The following OR2J3 variants were observed in gnomAD, a reference collection of about 807,000 sequenced individuals.
OR2J3 encodes the protein olfactory receptor 2J3.
OR2J3 carries 13 observed loss-of-function variants against 18.5 expected under a neutral mutation model. The ratio of observed to expected loss-of-function variants is 0.70; its 90% confidence interval spans 0.46 to 1.12. OR2J3 has a LOEUF of 1.12. Among genes scored for constraint, OR2J3 ranks in the 50% most tolerant of loss-of-function variants. The pLI is 0.00. For synonymous variants in OR2J3, 142 were observed against 140.6 expected (o/e 1.01, Z -0.07); for missense variants, 321 against 371.6 (o/e 0.86, Z 1.12).
In OR2J3 at chr6:29,112,012, C is replaced by T. The variant is rs1245431456; in HGVS notation, c.122C>T (p.Thr41Ile). 9.3e-6 allele frequency: 15 copies of T among 1,613,932 alleles called. No individual in the cohort carries two copies. Among genetic ancestry groups the T allele is most frequent in the Non-Finnish European group, 1.2e-5 (14 of 1,180,020 alleles). ...FVVVLIFYLM[T>I]LIGNLFIIIL... ...GTTGTCTTGATCTTCTACTTGATGACACTGATAGGAAACCTGTTCATCATC... is the reference window on the plus strand; with the variant it reads ...GTTGTCTTGATCTTCTACTTGATGATACTGATAGGAAACCTGTTCATCATC... Residue 41 changes from threonine to isoleucine, a missense_variant, in exon 4 of 4, where the codon ACA becomes ATA. Physicochemically the swap from Thr to Ile is moderately conservative, Grantham distance 89. Coordinates refer to ENST00000641151, the MANE Select transcript of OR2J3 (RefSeq NM_001005216.4).
In OR2J3 at chr6:29,112,666, T is replaced by A. The variant is rs976196786; in HGVS notation, c.776T>A (p.Met259Lys). The A allele has an allele frequency of 6.2e-7, 1 of 1,613,972 alleles. No individual in the cohort carries two copies. The highest frequency in any genetic ancestry group is 1.7e-5 in the Admixed American group (1 of 59,976). Residue 259 changes from methionine (M) to lysine (K), a missense_variant, in exon 4 of 4, where the codon ATG (methionine) becomes AAG (lysine). By Grantham distance (95) the Met-to-Lys change is moderately conservative. Coordinates refer to ENST00000641151, the MANE Select transcript of OR2J3 (RefSeq NM_001005216.4). The stretch of plus-strand genomic sequence containing the variant: ...GTATCTCTCTTTTTCATTCCGGCCA[T>A]GTGCATGTATCTCCAGCCACCATCA... ...MAVSLFFIPA[M>K]CMYLQPPSGN...
rs1762209755 is a variant in OR2J3, at chr6:29,113,046, A to G, written c.*220A>G. Reference sequence around the variant, plus strand: ...GAGAAAACAGCTATGTAAAATCAAGATAAAACATCTATAGTGATGTTTTTC... The same window carrying G: ...GAGAAAACAGCTATGTAAAATCAAGGTAAAACATCTATAGTGATGTTTTTC... On this transcript the variant is annotated 3_prime_UTR_variant, in exon 4 of 4. Coordinates refer to ENST00000641151, the MANE Select transcript of OR2J3 (RefSeq NM_001005216.4). 1 of 556,858 alleles carries G rather than the reference A, an allele frequency of 1.8e-6. No individual in the cohort carries two copies. Among genetic ancestry groups the G allele is most frequent in the Non-Finnish European group, 3.1e-6 (1 of 320,248 alleles). The allele number at this position is 556,858 out of a possible 1,614,324, so 34.5% of individuals were successfully genotyped here.
intron 2 of OR2J3, 30 bp downstream of exon 2, chr6:29,108,684 A>G (rs2150949830): frequency 6.6e-6 from 1 of 152,258 alleles, no homozygotes; most frequent in East Asian, 1.9e-4. Context: ...ACAATGTGTA[A>G]TAATCACAGC....
Position 29,112,923 on chromosome 6 carries a change from CT to C in OR2J3, c.*98del, listed in dbSNP as rs1762205618. 1.0e-5 allele frequency: 14 copies of C among 1,395,676 alleles called. No individual in the cohort carries two copies. The highest frequency in any genetic ancestry group is 1.3e-5 in the Non-Finnish European group (14 of 1,052,678). The allele number at this position is 1,395,676 out of a possible 1,614,324, so 86.5% of individuals were successfully genotyped here. On this transcript the variant is annotated 3_prime_UTR_variant, in exon 4 of 4. Coordinates refer to ENST00000641151, the MANE Select transcript of OR2J3 (RefSeq NM_001005216.4). ...TCAACCATTCTTTTATTCACTCACT[CT>C]GTTAGCACTTGCTGAGCATGTACTC...
chr6:29,109,133 T>A (rs1762032675), intron 3 of OR2J3, among the ~76,000 whole-genome samples: 1 of 152,226 alleles, frequency 6.6e-6, no homozygotes, highest in Non-Finnish European at 1.5e-5. Context: ...AAAAATCTCT[T>A]GGAAAATTTT....
intron 3 of OR2J3, among the ~76,000 whole-genome samples, chr6:29,109,915 A>G (rs1762062892): frequency 6.6e-6 from 1 of 152,222 alleles, no homozygotes; most frequent in African/African-American, 2.4e-5. Context: ...ATTATAGCTC[A>G]TGCTCAGAAT....
In OR2J3 at chr6:29,113,071, C is replaced by T; in HGVS notation, c.*245C>T. 4.0e-6 allele frequency: 2 copies of T among 502,960 alleles called. No individual in the cohort carries two copies. Among genetic ancestry groups the T allele is most frequent in the Non-Finnish European group, 6.9e-6 (2 of 287,784 alleles). The allele number at this position is 502,960 out of a possible 1,614,324, so 31.2% of individuals were successfully genotyped here. A position where few individuals can be genotyped will look rare whatever the true frequency, so the allele number is the denominator to read the frequency against. ...ATAAAACATCTATAGTGATGTTTTT[C>T]CATGGTACAAACCTAATGTATCCAA... is the stretch of plus-strand genomic sequence containing the variant. On this transcript the variant is annotated 3_prime_UTR_variant, in exon 4 of 4. Coordinates refer to ENST00000641151, the MANE Select transcript of OR2J3 (RefSeq NM_001005216.4).
In OR2J3 at chr6:29,112,781, C is replaced by T. The variant is rs143022564; in HGVS notation, c.891C>T (p.Asn297=). Residue 297 remains asparagine, a synonymous_variant, in exon 4 of 4, where the codon AAC becomes AAT. Transcript: ENST00000641151. Reference sequence around the variant, plus strand: ...ACCCTCTAATCTACACCCTCAGAAACAAAGTTGTAAGAGGGGCAGTGAAGA... The same window carrying T: ...ACCCTCTAATCTACACCCTCAGAAATAAAGTTGTAAGAGGGGCAGTGAAGA... The part of the protein sequence containing the change: ...SLNPLIYTLR[N]KVVRGAVKRL... 584 of 1,613,502 alleles carry T rather than the reference C, an allele frequency of 3.6e-4. 6 individuals are homozygous for T. The African/African-American group carries it at 7.3e-3, about 20-fold the overall frequency.
chr6:29,112,766 C>G lies in OR2J3; in HGVS notation c.876C>G (p.Ile292Met), dbSNP rs1403355229. The G allele has an allele frequency of 1.9e-6, 3 of 1,613,882 alleles. No individual in the cohort carries two copies. Among genetic ancestry groups the G allele is most frequent in the Non-Finnish European group, 2.5e-6 (3 of 1,179,916 alleles). ...TCACACCTAGTCTTAACCCTCTAAT[C>G]TACACCCTCAGAAACAAAGTTGTAA... is the stretch of plus-strand genomic sequence containing the variant. The part of the protein sequence containing the change: ...TVVTPSLNPL[I>M]YTLRNKVVRG... Residue 292 changes from isoleucine (I) to methionine (M), a missense_variant, in exon 4 of 4, where the codon ATC becomes ATG. Ile to Met is a conservative substitution (Grantham distance 10). Coordinates refer to ENST00000641151, the MANE Select transcript of OR2J3 (RefSeq NM_001005216.4).
In OR2J3 at chr6:29,112,874, A is replaced by G. The variant is rs760871429; in HGVS notation, c.*48A>G. 6 of 1,538,026 alleles carry G rather than the reference A, an allele frequency of 3.9e-6. No homozygotes were observed. Among genetic ancestry groups the G allele is most frequent in the African/African-American group, 1.4e-5 (1 of 72,548 alleles). ...CAATATAACAGAGTCTCCCCTCACA[A>G]TGATTCATCCTTCTATTTATTTATC... On this transcript the variant is annotated 3_prime_UTR_variant, in exon 4 of 4. Coordinates refer to ENST00000641151, the MANE Select transcript of OR2J3 (RefSeq NM_001005216.4).
chr6:29,109,942 T>C (rs543261677), intron 3 of OR2J3, among the ~76,000 whole-genome samples: 155 of 152,280 alleles, frequency 1.0e-3, no homozygotes, highest in Admixed American at 2.9e-3. Flanking sequence ...ACTATCTAAA[T>C]TATTGTCCTG....
rs904721285 is a variant in OR2J3 at position 29,114,192 on chromosome 6, C to A, written c.*1366C>A. 7.2e-5 allele frequency: 11 copies of A among 152,078 alleles called. No homozygotes were observed. Among genetic ancestry groups the A allele is most frequent in the African/African-American group, 2.7e-4 (11 of 41,412 alleles). The allele number at this position is 152,078 out of a possible 1,614,324, so 9.4% of individuals were successfully genotyped here. A position where few individuals can be genotyped will look rare whatever the true frequency, so the allele number is the denominator to read the frequency against. On this transcript the variant is annotated 3_prime_UTR_variant, in exon 4 of 4. Coordinates refer to ENST00000641151, the MANE Select transcript of OR2J3 (RefSeq NM_001005216.4). ...TGCATCTCTGACTCTTCCTTTATTT[C>A]TAACTAGGCATGAAAAATATGAGGC...
chr6:29,113,662 G>C lies in OR2J3; in HGVS notation c.*836G>C. The C allele has an allele frequency of 6.6e-6, 1 of 152,098 alleles. No individual in the cohort carries two copies. The highest frequency in any genetic ancestry group is 1.5e-5 in the Non-Finnish European group (1 of 68,022). 9.4% of individuals were successfully genotyped at this position (152,098 alleles called of 1,614,324 possible). Reference sequence around the variant, plus strand: ...TGAAAATGACTTGAAGCCAATGGGTGTATGAAAGAATTATGTGAAAATATA... The same window carrying C: ...TGAAAATGACTTGAAGCCAATGGGTCTATGAAAGAATTATGTGAAAATATA... On this transcript the variant is annotated 3_prime_UTR_variant, in exon 4 of 4. Coordinates refer to ENST00000641151, the MANE Select transcript of OR2J3 (RefSeq NM_001005216.4).
chr6:29,112,572 A>C lies in OR2J3; in HGVS notation c.682A>C (p.Ile228Leu). Reference sequence around the variant, plus strand: ...TTCTTATGGTGCCATCGTCCGAGCTATACTGAGGATGCAGTCAACCACTGG... The same window carrying C: ...TTCTTATGGTGCCATCGTCCGAGCTCTACTGAGGATGCAGTCAACCACTGG... ...LTSYGAIVRA[I>L]LRMQSTTGLQ... The change falls in exon 4 of 4, where the codon ATA becomes CTA. Residue 228 changes from isoleucine (I) to leucine (L), a missense_variant. Physicochemically the swap from Ile to Leu is conservative, Grantham distance 5. Transcript: ENST00000641151. 6.2e-7 allele frequency: 1 copy of C among 1,613,828 alleles called. No individual in the cohort carries two copies. Among genetic ancestry groups the C allele is most frequent in the Non-Finnish European group, 8.5e-7 (1 of 1,179,972 alleles).
rs1192163519 is a variant in OR2J3, at chr6:29,112,547, T to A, written c.657T>A (p.Thr219=). The change falls in exon 4 of 4, where the codon ACT becomes ACA. Residue 219 remains threonine (T), a synonymous_variant. Coordinates refer to ENST00000641151, the MANE Select transcript of OR2J3 (RefSeq NM_001005216.4). ...TCATACCTCTCATCCTCATTCTCAC[T>A]TCTTATGGTGCCATCGTCCGAGCTA... ...FVLIPLILIL[T]SYGAIVRAIL... 6.2e-7 allele frequency: 1 copy of A among 1,614,130 alleles called. No individual in the cohort carries two copies. Among genetic ancestry groups the A allele is most frequent in the African/African-American group, 1.3e-5 (1 of 75,032 alleles).
rs1332571550 is a variant in OR2J3, at chr6:29,114,274, A to G, written c.*1448A>G. On this transcript the variant is annotated 3_prime_UTR_variant, in exon 4 of 4. Coordinates refer to ENST00000641151, the MANE Select transcript of OR2J3 (RefSeq NM_001005216.4). Reference sequence around the variant, plus strand: ...GTGAAGAACCAAGAATAATGTATGTAAAATGACTTTTAGCAAGAATTGGGA... The same window carrying G: ...GTGAAGAACCAAGAATAATGTATGTGAAATGACTTTTAGCAAGAATTGGGA... The G allele has an allele frequency of 6.6e-6, 1 of 152,162 alleles. No homozygotes were observed. Among genetic ancestry groups the G allele is most frequent in the Non-Finnish European group, 1.5e-5 (1 of 68,020 alleles). 9.4% of individuals were successfully genotyped at this position (152,162 alleles called of 1,614,324 possible). A position where few individuals can be genotyped will look rare whatever the true frequency, so the allele number is the denominator to read the frequency against.
rs1476482813 is a variant in OR2J3, at chr6:29,111,961, C to T, written c.71C>T (p.Pro24Leu). 1 of 1,613,896 alleles carries T rather than the reference C, an allele frequency of 6.2e-7. No homozygotes were observed. Among genetic ancestry groups the T allele is most frequent in the Non-Finnish European group, 8.5e-7 (1 of 1,179,964 alleles). The change falls in exon 4 of 4, where the codon CCT (proline) becomes CTT (leucine). Residue 24 changes from proline to leucine, a missense_variant. Transcript: ENST00000641151. ...ATTTTAGTTGGATTTTCTAATTGGCCTCATCTGGAAGTAGTTATCTTTGTG... is the reference window on the plus strand; with the variant it reads ...ATTTTAGTTGGATTTTCTAATTGGCTTCATCTGGAAGTAGTTATCTTTGTG... ...YFILVGFSNWPHLEVVIFVVV... is the reference protein window; with the variant it reads ...YFILVGFSNWLHLEVVIFVVV...
chr6:29,108,422 C>A (rs1762003959), intron 1 of OR2J3, 115 bp from the exon 2 acceptor site: 1 of 152,172 alleles, frequency 6.6e-6, no homozygotes, highest in Non-Finnish European at 1.5e-5. Flanking sequence ...TCACTTATTC[C>A]TAGTCCATGA....
rs758282554 is a variant in OR2J3, at chr6:29,112,302, C to T, written c.412C>T (p.Leu138Phe). The stretch of plus-strand genomic sequence containing the variant: ...GTGTAGACCTTTGCATTACACTGTC[C>T]TCATGCACCCTCGTTTCTGCCACCT... ...AVCRPLHYTV[L>F]MHPRFCHLLA... The change falls in exon 4 of 4, where the codon CTC becomes TTC. Residue 138 changes from leucine to phenylalanine, a missense_variant. Coordinates refer to ENST00000641151, the MANE Select transcript of OR2J3 (RefSeq NM_001005216.4). 1.9e-5 allele frequency: 31 copies of T among 1,613,982 alleles called. No homozygotes were observed. Among genetic ancestry groups the T allele is most frequent in the Non-Finnish European group, 2.4e-5 (28 of 1,180,030 alleles).
Sources: allele counts gnomAD v4.1 joint callset (sites outside exome capture counted in the v4.1 genomes callset), GRCh38; gene constraint gnomAD v4.1.1; transcripts MANE v1.5; gene names NCBI Gene and HGNC (gene_info 2026-07-23, HGNC 2026-07-21).